HNRNPUL1: variants seen among roughly 807,000 people sequenced by gnomAD.
HNRNPUL1 encodes heterogeneous nuclear ribonucleoprotein U-like protein 1.
In HNRNPUL1, 14 loss-of-function variants were observed where a neutral mutation model predicts 108.5. The observed-to-expected ratio is 0.13, with a 90% CI of 0.09 to 0.20. The LOEUF (loss-of-function observed/expected upper bound fraction) is 0.20. Ranked by LOEUF, HNRNPUL1 falls within the 10% of genes least tolerant of loss-of-function variation. HNRNPUL1 has a pLI of 1.00. For synonymous variants in HNRNPUL1, 422 were observed against 445.2 expected, an observed-to-expected ratio of 0.95 and a Z score of 0.66; for missense variants, 804 against 1,168.3, an observed-to-expected ratio of 0.69 and a Z score of 4.55.
At position 41,294,325 on chromosome 19, in the gene HNRNPUL1, C is replaced by T; in HGVS notation, c.1267-13C>T. The T allele has an allele frequency of 3.7e-6, 6 of 1,613,862 alleles. No individual in the cohort carries two copies. Among genetic ancestry groups the T allele is most frequent in the Non-Finnish European group, 3.4e-6 (4 of 1,179,848 alleles). On this transcript the variant is annotated splice_polypyrimidine_tract_variant and intron_variant, in intron 8 of 14. Transcript: ENST00000392006. This position sits in a 1 kb window ranked among gnomAD's most constrained non-coding sequence, Gnocchi z 4.3. ...CACCATGCCGCAACACCTTCCCTGT[C>T]TTGTTCTTGTAGATTCTGATGATGG...
chr19:41,268,965 C>T (rs2035037473), intron 2 of HNRNPUL1, among the ~76,000 whole-genome samples: 1 of 152,034 alleles, frequency 6.6e-6, no homozygotes, highest in South Asian at 2.1e-4. Flanking sequence ...CAGAAAGAGC[C>T]TTCTAAGTCT....
At chr19:41,278,141 C>T (rs1028282976) in intron 5 of HNRNPUL1, among the ~76,000 whole-genome samples, 1 of 152,026 alleles carries the variant, frequency 6.6e-6, no homozygotes, top group Non-Finnish European at 1.5e-5. Context: ...CTTACTGCAA[C>T]GTCTCCCTCC....
At chr19:41,269,166 A>AGT (rs1353977851) in intron 2 of HNRNPUL1, among the ~76,000 whole-genome samples, 1 of 151,946 alleles carries the variant, frequency 6.6e-6, no homozygotes, top group Non-Finnish European at 1.5e-5. Context: ...AAAAAAAGAA[A>AGT]GTGTGTGTCA....
chr19:41,274,555 A>G (rs972094125), intron 4 of HNRNPUL1, among the ~76,000 whole-genome samples: 1 of 152,186 alleles, frequency 6.6e-6, no homozygotes, highest in Non-Finnish European at 1.5e-5. Context: ...CCTCCAGTTC[A>G]GTTTTCTTTC....
At chr19:41,282,520 G>A (rs1025228570) in intron 7 of HNRNPUL1, among the ~76,000 whole-genome samples, 2 of 151,736 alleles carry the variant, frequency 1.3e-5, no homozygotes, top group African/African-American at 4.8e-5. Context: ...ATTCAAACTC[G>A]GAAAAGCTTG....
chr19:41,290,996 A>T (rs1304015478), intron 7 of HNRNPUL1, among the ~76,000 whole-genome samples: 1 of 152,222 alleles, frequency 6.6e-6, no homozygotes, highest in East Asian at 1.9e-4. Context: ...TGGTGGGCCG[A>T]GATTGCGCCA....
chr19:41,278,040 TTTGTTTGTTTGA>T (rs1191118677), intron 5 of HNRNPUL1, among the ~76,000 whole-genome samples: 6 of 151,770 alleles, frequency 4.0e-5, no homozygotes, highest in Admixed American at 2.6e-4. Flanking sequence ...CTCCTTGTTT[TTTGTTTGTTTGA>T]TTGTTTGTTT....
Position 41,294,737 on chromosome 19 carries a change from C to T in HNRNPUL1, c.1518+51C>T. 1 of 1,602,900 alleles carries T rather than the reference C, an allele frequency of 6.2e-7. No homozygotes were observed. Among genetic ancestry groups the T allele is most frequent in the Non-Finnish European group, 8.5e-7 (1 of 1,170,870 alleles). On this transcript the variant is annotated intron_variant, in intron 10 of 14. Transcript: ENST00000392006. The surrounding 1 kb of genome is among the most constrained non-coding windows in gnomAD (Gnocchi z 4.3). ...TCAGGAGAAGGGAGGGGACCCCTTG[C>T]ATGCCTGAGAATCTCCCTCTGGTCC...
intron 7 of HNRNPUL1, chr19:41,291,922 G>A (rs546490458): frequency 1.5e-5 from 4 of 263,898 alleles, no homozygotes; most frequent in South Asian, 5.4e-5. Flanking sequence ...TTGAGGTTGC[G>A]GTGAGCCCTA....
chr19:41,271,845 G>A lies in HNRNPUL1; in HGVS notation c.419-237G>A, dbSNP rs149824497. ...AAGAACTAAGGCAGAGAGGTTCTTT[G>A]GGAAGAGAAATTGGAGAATTTAGGG... On this transcript the variant is annotated intron_variant, in intron 2 of 14. Coordinates refer to ENST00000392006, the MANE Select transcript of HNRNPUL1 (RefSeq NM_007040.6). Among the ~76,000 whole-genome samples, 68 of 152,236 alleles carry A rather than the reference G, an allele frequency of 4.5e-4. 1 individual carries two copies. The East Asian group carries it at 0.012, about 27-fold the overall frequency.
rs1278289974 is a variant in HNRNPUL1, at chr19:41,276,275, G to A, written c.763G>A (p.Gly255Ser). ...CCGTGCCAGCTATGGGGTCAGAAGGGGCCGTGTATGCTTCGAGATGAAGGT... is the reference window on the plus strand; with the variant it reads ...CCGTGCCAGCTATGGGGTCAGAAGGAGCCGTGTATGCTTCGAGATGAAGGT... ...GARASYGVRR[G>S]RVCFEMKINE... The change falls in exon 5 of 15, where the codon GGC becomes AGC. Residue 255 changes from glycine to serine, a missense_variant. Physicochemically the swap from Gly to Ser is moderately conservative, Grantham distance 56. Transcript: ENST00000392006. The A allele has an allele frequency of 1.2e-6, 2 of 1,608,514 alleles. No homozygotes were observed. The highest frequency in any genetic ancestry group is 2.7e-5 in the African/African-American group (2 of 74,688).
At chr19:41,264,301 C>T (rs575136648), upstream of HNRNPUL1, 96 of 430,474 alleles carry the variant, frequency 2.2e-4, no homozygotes, top group South Asian at 2.2e-3. Context: ...CGTTGCCCCA[C>T]GCACTGACCA....
At position 41,272,162 on chromosome 19, in the gene HNRNPUL1, C is replaced by A; in HGVS notation, c.499C>A (p.Gln167Lys). 1.2e-6 allele frequency: 2 copies of A among 1,614,178 alleles called. No homozygotes were observed. Among genetic ancestry groups the A allele is most frequent in the Non-Finnish European group, 1.7e-6 (2 of 1,180,020 alleles). ...EASQLKPDRQ[Q>K]FQSRKRPYEE... ...TTCTCAACTCAAGCCAGACAGGCAGCAATTCCAGAGTCGAAAGAGGCCTTA... is the reference window on the plus strand; with the variant it reads ...TTCTCAACTCAAGCCAGACAGGCAGAAATTCCAGAGTCGAAAGAGGCCTTA... The change falls in exon 3 of 15, where the codon CAA (glutamine) becomes AAA (lysine). Residue 167 changes from glutamine (Q) to lysine (K), a missense_variant. Coordinates refer to ENST00000392006, the MANE Select transcript of HNRNPUL1 (RefSeq NM_007040.6).
intron 2 of HNRNPUL1, among the ~76,000 whole-genome samples, 169 bp from the exon 3 acceptor site, chr19:41,271,910 CCTT>C (rs1309499580): frequency 6.6e-6 from 1 of 152,164 alleles, no homozygotes; most frequent in African/African-American, 2.4e-5. Flanking sequence ...TCCAGTATGG[CCTT>C]CTTGGCTGGC....
chr19:41,265,814 G>T (rs1055252282), intron 1 of HNRNPUL1, among the ~76,000 whole-genome samples: 7 of 151,940 alleles, frequency 4.6e-5, no homozygotes, highest in African/African-American at 9.7e-5. Context: ...AGGATCCTGT[G>T]TCCAGCACAG....
At chr19:41,275,460 C>G (rs2035493385) in intron 4 of HNRNPUL1, among the ~76,000 whole-genome samples, 1 of 152,030 alleles carries the variant, frequency 6.6e-6, no homozygotes, top group African/African-American at 2.4e-5. Flanking sequence ...CGTACTCCAG[C>G]CTGGGTGACA....
At chr19:41,306,161 GCAGGTTGGTGCC>G (rs1003075660) in intron 14 of HNRNPUL1, among the ~76,000 whole-genome samples, 1 of 152,222 alleles carries the variant, frequency 6.6e-6, no homozygotes, top group Non-Finnish European at 1.5e-5. Context: ...AAATCCTGCT[GCAGGTTGGTGCC>G]CAGGCCCCCA....
At chr19:41,282,139 T>G (rs796549410) in intron 7 of HNRNPUL1, among the ~76,000 whole-genome samples, 6 of 152,316 alleles carry the variant, frequency 3.9e-5, no homozygotes, top group East Asian at 1.9e-4. Flanking sequence ...TCTTTTGCCT[T>G]CCTTCATATT....
chr19:41,276,051 C>T, intron 4 of HNRNPUL1, 108 bp from the exon 5 acceptor site: 1 of 1,447,230 alleles, frequency 6.9e-7, no homozygotes, highest in Non-Finnish European at 9.6e-7. Flanking sequence ...TGCGGTGAGC[C>T]AAGATCGCAC....
Sources: allele counts gnomAD v4.1 joint callset (sites outside exome capture counted in the v4.1 genomes callset), GRCh38; gene constraint gnomAD v4.1.1; non-coding constraint Gnocchi (gnomAD v3.1); transcripts MANE v1.5; gene names NCBI Gene and HGNC (gene_info 2026-07-23, HGNC 2026-07-21).